The following DR1 variants were observed in gnomAD, a reference collection of about 807,000 sequenced individuals.
DR1 encodes down-regulator of transcription 1.
DR1 carries 7 observed loss-of-function variants against 19.9 expected under a neutral mutation model. That is an observed-to-expected ratio of 0.35 (90% CI 0.20 to 0.66). DR1 has a LOEUF of 0.66. Ranked by LOEUF, DR1 falls within the 30% of genes least tolerant of loss-of-function variation. DR1 has a pLI of 0.66. For missense variants in DR1, 98 were observed against 203.7 expected, an observed-to-expected ratio of 0.48 and a Z score of 3.16; for synonymous variants, 76 against 72.5, an observed-to-expected ratio of 1.05 and a Z score of -0.24.
intron 1 of DR1, 111 bp from the exon 2 acceptor site, chr1:93,353,797 G>A: frequency 4.9e-6 from 4 of 809,824 alleles, no homozygotes; most frequent in Non-Finnish European, 1.8e-6. Context: ...TTAGAAAACA[G>A]CAAAACATTC....
chr1:93,348,314 G>A (rs1286267269), intron 1 of DR1, among the ~76,000 whole-genome samples: 1 of 151,532 alleles, frequency 6.6e-6, no homozygotes, highest in Admixed American at 6.6e-5. Context: ...TTGTATGTGT[G>A]ATTGCTGTCA....
At chr1:93,354,988 C>T (rs2101637624) in intron 2 of DR1, 1 of 152,202 alleles carries the variant, frequency 6.6e-6, no homozygotes, top group East Asian at 1.9e-4. Context: ...CTATCATAGG[C>T]ACTAAAGAGG....
At chr1:93,351,002 T>TTA (rs1404574346) in intron 1 of DR1, among the ~76,000 whole-genome samples, 2 of 152,186 alleles carry the variant, frequency 1.3e-5, no homozygotes, top group Non-Finnish European at 2.9e-5. Context: ...GGCCCTCTAG[T>TTA]ATGTTGTGTA....
At position 93,364,851 on chromosome 1, in the gene DR1, CT is replaced by C. The variant is rs1185414953; in HGVS notation, c.*4232del. ...TTTTCTTTTTTCTTTTCTTTTCTTT[CT>C]TTTTTTTTTTTTTTTTTTTGAGACA... On this transcript the variant is annotated 3_prime_UTR_variant, in exon 3 of 3. Transcript: ENST00000370272. 12 of 100,642 alleles carry C rather than the reference CT, an allele frequency of 1.2e-4. No homozygotes were observed. The highest frequency in any genetic ancestry group is 1.9e-4 in the African/African-American group (4 of 21,152). The allele number at this position is 100,642 out of a possible 1,614,324, so 6.2% of individuals were successfully genotyped here.
intron 1 of DR1, among the ~76,000 whole-genome samples, chr1:93,351,436 CT>C (rs397862048): frequency 0.076 from 7,919 of 103,870 alleles, 579 homozygotes; most frequent in African/African-American, 0.26. Flanking sequence ...GATTTTCTTT[CT>C]TTTTTTTTTT....
rs1355748767 is a variant in DR1, at chr1:93,362,175, A to G, written c.*1536A>G. 1.4e-4 allele frequency: 21 copies of G among 152,460 alleles called. No homozygotes were observed. The highest frequency in any genetic ancestry group is 1.4e-3 in the Admixed American group (21 of 15,270). 9.4% of individuals were successfully genotyped at this position (152,460 alleles called of 1,614,324 possible). On this transcript the variant is annotated 3_prime_UTR_variant, in exon 3 of 3. Transcript: ENST00000370272. ...AGGGAAATATTGTTATACATTTATT[A>G]AATATACTTCCCCCATGAAGTGAAA...
At position 93,360,615 on chromosome 1, in the gene DR1, T is replaced by C; in HGVS notation, c.507T>C (p.Asp169=). The C allele has an allele frequency of 6.3e-7, 1 of 1,589,354 alleles. No homozygotes were observed. The highest frequency in any genetic ancestry group is 1.2e-5 in the South Asian group (1 of 86,274). The change falls in exon 3 of 3, where the codon GAT becomes GAC. Residue 169 remains aspartate, a synonymous_variant. Coordinates refer to ENST00000370272, the MANE Select transcript of DR1 (RefSeq NM_001938.3). ...CTAATCAGGCGGGATCTTCTCAGGA[T>C]GAAGAAGATGATGATGATATCTGAA... ...SASNQAGSSQ[D]EEDDDDI is the part of the protein sequence containing the mutation.
Position 93,346,635 on chromosome 1 carries a change from A to C in DR1, c.-11A>C. ...TTTTAAAAGCCGGGGCGCGAGAAAC[A>C]GGAAGGTACTATGGCTTCCTCGTCT... is the stretch of plus-strand genomic sequence containing the variant. On this transcript the variant is annotated 5_prime_UTR_variant, in exon 1 of 3. Coordinates refer to ENST00000370272, the MANE Select transcript of DR1 (RefSeq NM_001938.3). 1 of 1,611,676 alleles carries C rather than the reference A, an allele frequency of 6.2e-7. No homozygotes were observed. Among genetic ancestry groups the C allele is most frequent in the Non-Finnish European group, 8.5e-7 (1 of 1,178,398 alleles).
Position 93,365,421 on chromosome 1 carries a change from T to C in DR1, c.*4782T>C, listed in dbSNP as rs923837843. 6.6e-6 allele frequency: 1 copy of C among 152,236 alleles called. No homozygotes were observed. The allele number at this position is 152,236 out of a possible 1,614,324, so 9.4% of individuals were successfully genotyped here. On this transcript the variant is annotated 3_prime_UTR_variant, in exon 3 of 3. Transcript: ENST00000370272. ...GTGCATTGTAGGATTTCTAGCAGCA[T>C]AATTGGCTTATGCCCACTTGATGTC... is the stretch of plus-strand genomic sequence containing the variant.
In DR1 at chr1:93,354,106, C is replaced by A. The variant is rs776274070; in HGVS notation, c.384+35C>A. 42 of 1,584,926 alleles carry A rather than the reference C, an allele frequency of 2.6e-5. No homozygotes were observed. In the Admixed American group the frequency reaches 4.2e-4, roughly 16 times the overall value. ...TTATTTAAATTATTTTCCTCTGAAT[C>A]CTACCCTGTTTGCTAACTGAAATTG... On this transcript the variant is annotated intron_variant, in intron 2 of 2. Coordinates refer to ENST00000370272, the MANE Select transcript of DR1 (RefSeq NM_001938.3).
chr1:93,346,110 G>T lies in DR1; in HGVS notation c.-536G>T. 1 of 210,060 alleles carries T rather than the reference G, an allele frequency of 4.8e-6. No individual in the cohort carries two copies. The highest frequency in any genetic ancestry group is 9.4e-6 in the Non-Finnish European group (1 of 105,834). The allele number at this position is 210,060 out of a possible 1,614,324, so 13.0% of individuals were successfully genotyped here. On this transcript the variant is annotated 5_prime_UTR_variant, in exon 1 of 3. Coordinates refer to ENST00000370272, the MANE Select transcript of DR1 (RefSeq NM_001938.3). ...CAGCAGCGGCAGCGGCAGCGGCAGC[G>T]GCGGACATGTTGTGAGGCGGCGGCG... is the stretch of plus-strand genomic sequence containing the variant.
In DR1 at chr1:93,360,590, C is replaced by G. The variant is rs1309410753; in HGVS notation, c.482C>G (p.Ser161Cys). The stretch of plus-strand genomic sequence containing the variant: ...CTTGCTGCTGCCTCAGCCAGTGCAT[C>G]TAATCAGGCGGGATCTTCTCAGGAT... Reference protein sequence around the residue: ...AQLAAASASASNQAGSSQDEE... With the variant: ...AQLAAASASACNQAGSSQDEE... Residue 161 changes from serine (S) to cysteine (C), a missense_variant, in exon 3 of 3, where the codon TCT (serine) becomes TGT (cysteine). Physicochemically the swap from Ser to Cys is moderately radical, Grantham distance 112. Coordinates refer to ENST00000370272, the MANE Select transcript of DR1 (RefSeq NM_001938.3). 1 of 1,595,428 alleles carries G rather than the reference C, an allele frequency of 6.3e-7. No homozygotes were observed. Among genetic ancestry groups the G allele is most frequent in the Non-Finnish European group, 8.5e-7 (1 of 1,173,320 alleles).
At position 93,362,344 on chromosome 1, in the gene DR1, G is replaced by T. The variant is rs192203137; in HGVS notation, c.*1705G>T. On this transcript the variant is annotated 3_prime_UTR_variant, in exon 3 of 3. Transcript: ENST00000370272. ...CTAGTCTAGAACGATAAGTTAATACGTGTTGGCTTTTCTAATTTGTACTGT... is the reference window on the plus strand; with the variant it reads ...CTAGTCTAGAACGATAAGTTAATACTTGTTGGCTTTTCTAATTTGTACTGT... The T allele has an allele frequency of 2.0e-5, 3 of 152,216 alleles. No homozygotes were observed. The highest frequency in any genetic ancestry group is 4.2e-4 in the South Asian group (2 of 4,816). The allele number at this position is 152,216 out of a possible 1,614,324, so 9.4% of individuals were successfully genotyped here.
chr1:93,354,765 A>G (rs748225325), intron 2 of DR1, among the ~76,000 whole-genome samples: 13 of 152,310 alleles, frequency 8.5e-5, no homozygotes, highest in South Asian at 2.1e-4. Flanking sequence ...AAACTCTTCC[A>G]GGTTAGTCCT....
intron 2 of DR1, among the ~76,000 whole-genome samples, chr1:93,356,788 C>G (rs1666991856): frequency 6.7e-6 from 1 of 148,994 alleles, no homozygotes; most frequent in South Asian, 2.1e-4. Context: ...GTGGTGCTAT[C>G]TCGGCTCATT....
chr1:93,347,195 G>A (rs969836745), intron 1 of DR1, among the ~76,000 whole-genome samples: 2 of 152,148 alleles, frequency 1.3e-5, no homozygotes, highest in Non-Finnish European at 2.9e-5. Flanking sequence ...TAATAATTAA[G>A]GAACGCAGAA....
chr1:93,358,537 A>T (rs545303468), intron 2 of DR1, among the ~76,000 whole-genome samples: 1 of 152,244 alleles, frequency 6.6e-6, no homozygotes, highest in African/African-American at 2.4e-5. Context: ...GGCAGTGTGG[A>T]TCCCAACCCT....
Sources: gnomAD v4.1 joint callset for allele counts (sites outside exome capture counted in the v4.1 genomes callset) on GRCh38, gnomAD v4.1.1 for gene constraint, MANE v1.5 for transcripts, NCBI Gene and HGNC (gene_info 2026-07-23, HGNC 2026-07-21) for gene names.